TEKT3: variants seen among roughly 807,000 people sequenced by gnomAD.
The protein encoded by TEKT3 is tektin 3, also known as tektin-3.
Under a neutral mutation model 49.8 loss-of-function variants are expected in TEKT3, and 49 were observed. The observed-to-expected ratio is 0.98, with a 90% CI of 0.78 to 1.25. The LOEUF (loss-of-function observed/expected upper bound fraction) is 1.25. TEKT3 is among the 50% of genes most tolerant of loss of function. The pLI is 0.00. For missense variants in TEKT3, 595 were observed against 629.5 expected, an observed-to-expected ratio of 0.95 and a Z score of 0.59; for synonymous variants, 225 against 237.2, an observed-to-expected ratio of 0.95 and a Z score of 0.47.
At chr17:15,319,247 T>A (rs1412975622) in intron 4 of TEKT3, 100 bp from the exon 5 acceptor site, 4 of 1,002,872 alleles carry the variant, frequency 4.0e-6, no homozygotes, top group Non-Finnish European at 5.8e-6. Flanking sequence ...ATTTTGTTTC[T>A]TAAAATACTG....
chr17:15,314,145 G>A lies in TEKT3; in HGVS notation c.820C>T (p.Leu274=). 1 of 1,614,234 alleles carries A rather than the reference G, an allele frequency of 6.2e-7. No homozygotes were observed. The highest frequency in any genetic ancestry group is 8.5e-7 in the Non-Finnish European group (1 of 1,180,044). ...AYRIDDKCHH[L]RNTSDGVGYF... ...CCGACACCGTCTGATGTGTTGCGCA[G>A]GTGGTGGCATTTGTCGTCGATCCGG... The change falls in exon 6 of 9, where the codon CTG becomes TTG. Residue 274 remains leucine (L), a synonymous_variant. Coordinates refer to ENST00000395930, the MANE Select transcript of TEKT3 (RefSeq NM_031898.3).
At chr17:15,330,078 G>A (rs78025447) in intron 3 of TEKT3, among the ~76,000 whole-genome samples, 31,433 of 151,952 alleles carry the variant, frequency 0.21, 3,367 homozygotes, top group Middle Eastern at 0.27. Flanking sequence ...TATGGCAACT[G>A]GCCAATCTCA....
At chr17:15,314,430 C>T (rs112937257) in intron 5 of TEKT3, among the ~76,000 whole-genome samples, 200 bp from the exon 6 acceptor site, 1,792 of 151,770 alleles carry the variant, frequency 0.012, 30 homozygotes, top group African/African-American at 0.035. Flanking sequence ...ACCCTAACTC[C>T]CACCTTGTCT....
chr17:15,321,875 G>A (rs1911280128), intron 4 of TEKT3, among the ~76,000 whole-genome samples: 1 of 152,204 alleles, frequency 6.6e-6, no homozygotes, highest in Non-Finnish European at 1.5e-5. Context: ...CGGCTGAAAT[G>A]TTCATGAAGC....
Position 15,331,348 on chromosome 17 carries a change from T to C in TEKT3, c.238A>G (p.Met80Val), listed in dbSNP as rs759726629. ...GTTCTGTTGGAAACAAAGGGAAGCA[T>C]GGTATTCTCGGACACCCTCTGTGAT... is the stretch of plus-strand genomic sequence containing the variant. ...TRSQRVSENT[M>V]LPFVSNRTTF... Residue 80 changes from methionine (M) to valine (V), a missense_variant, in exon 3 of 9, where the codon ATG (methionine) becomes GTG (valine). Coordinates refer to ENST00000395930, the MANE Select transcript of TEKT3 (RefSeq NM_031898.3). The C allele has an allele frequency of 1.2e-5, 20 of 1,614,054 alleles. No individual in the cohort carries two copies. In the East Asian group the frequency reaches 4.2e-4, roughly 34 times the overall value.
intron 3 of TEKT3, among the ~76,000 whole-genome samples, chr17:15,330,392 G>T (rs1911672940): frequency 6.6e-6 from 1 of 152,238 alleles, no homozygotes; most frequent in East Asian, 1.9e-4. Context: ...ATTGGATCGT[G>T]GGGGTAGATC....
At chr17:15,320,030 C>A (rs1175523074) in intron 4 of TEKT3, among the ~76,000 whole-genome samples, 3 of 152,116 alleles carry the variant, frequency 2.0e-5, no homozygotes, top group African/African-American at 7.2e-5. Context: ...GAAGAGTATG[C>A]CTTTTTCCAA....
intron 4 of TEKT3, among the ~76,000 whole-genome samples, chr17:15,327,306 G>T (rs1911532010): frequency 6.6e-6 from 1 of 151,846 alleles, no homozygotes; most frequent in South Asian, 2.1e-4. Flanking sequence ...TCATGAGGTT[G>T]GGAGTTCAAG....
At chr17:15,342,790 G>C (rs1016206999), upstream of TEKT3, among the ~76,000 whole-genome samples, 7 of 152,130 alleles carry the variant, frequency 4.6e-5, no homozygotes. Flanking sequence ...AGTGCTCAGA[G>C]GCTACTCATT....
chr17:15,331,627 A>G lies in TEKT3; in HGVS notation c.-29-13T>C, dbSNP rs1193623578. 8 of 1,542,412 alleles carry G rather than the reference A, an allele frequency of 5.2e-6. No individual in the cohort carries two copies. The highest frequency in any genetic ancestry group is 7.0e-6 in the Non-Finnish European group (8 of 1,141,742). On this transcript the variant is annotated splice_polypyrimidine_tract_variant and intron_variant, in intron 2 of 8. Coordinates refer to ENST00000395930, the MANE Select transcript of TEKT3 (RefSeq NM_031898.3). ...TTGTAAATCTCTCCTGTTAAAAAAT[A>G]AAAAGTAAAATAAGACAGTCACATA...
At chr17:15,338,416 TA>T (rs1421687737) in intron 2 of TEKT3, 1 of 152,100 alleles carries the variant, frequency 6.6e-6, no homozygotes, top group Non-Finnish European at 1.5e-5. Context: ...AAGGAAGAAA[TA>T]CCTCAGTTTT....
chr17:15,334,958 C>T (rs1054459888), intron 2 of TEKT3, among the ~76,000 whole-genome samples: 5 of 152,196 alleles, frequency 3.3e-5, no homozygotes, highest in African/African-American at 1.2e-4. Flanking sequence ...AAAAACCAGA[C>T]TTAGCCTCTT....
intron 2 of TEKT3, among the ~76,000 whole-genome samples, chr17:15,335,162 T>A (rs1213392201): frequency 2.0e-5 from 3 of 152,156 alleles, no homozygotes; most frequent in East Asian, 3.8e-4. Context: ...GCAGCTTTTG[T>A]GAGTTGAGAA....
rs572205318 is a variant in TEKT3 at position 15,327,140 on chromosome 17, TAA to T, written c.663+850_663+851del. On this transcript the variant is annotated intron_variant, in intron 4 of 8. Coordinates refer to ENST00000395930, the MANE Select transcript of TEKT3 (RefSeq NM_031898.3). ...GGGATAGGGAAGCAACCTAACTATA[TAA>T]GAGATGATTGATTGAAAAAAAAAAA... is the stretch of plus-strand genomic sequence containing the variant. Among the ~76,000 whole-genome samples, 212 of 148,010 alleles carry T rather than the reference TAA, an allele frequency of 1.4e-3. 1 individual carries two copies. Among genetic ancestry groups the T allele is most frequent in the African/African-American group, 5.1e-3 (203 of 39,768 alleles).
chr17:15,339,409 A>T (rs796208688), intron 2 of TEKT3, among the ~76,000 whole-genome samples: 8 of 152,332 alleles, frequency 5.3e-5, no homozygotes, highest in African/African-American at 1.9e-4. Context: ...TACAAAGTCA[A>T]ATACAATGTT....
chr17:15,327,389 G>A (rs1428252779), intron 4 of TEKT3, among the ~76,000 whole-genome samples: 1 of 152,040 alleles, frequency 6.6e-6, no homozygotes, highest in Non-Finnish European at 1.5e-5. Flanking sequence ...GGTGGCAGGT[G>A]CCTGTAATCC....
intron 1 of TEKT3, among the ~76,000 whole-genome samples, chr17:15,341,252 G>C (rs1330894462): frequency 6.6e-6 from 1 of 152,174 alleles, no homozygotes; most frequent in Non-Finnish European, 1.5e-5. Context: ...AGTGTCGGGG[G>C]TTCGGATGCC....
intron 5 of TEKT3, among the ~76,000 whole-genome samples, chr17:15,317,546 C>G (rs929159296): frequency 3.9e-5 from 6 of 152,178 alleles, no homozygotes; most frequent in African/African-American, 1.4e-4. Flanking sequence ...GCGTACAAAC[C>G]TCTCCAACCT....
At chr17:15,316,585 A>G (rs1911021923) in intron 5 of TEKT3, among the ~76,000 whole-genome samples, 1 of 152,204 alleles carries the variant, frequency 6.6e-6, no homozygotes, top group African/African-American at 2.4e-5. Flanking sequence ...TCAATGAAGC[A>G]AAATTGCACT....
Sources: allele counts gnomAD v4.1 joint callset (sites outside exome capture counted in the v4.1 genomes callset), GRCh38; gene constraint gnomAD v4.1.1; transcripts MANE v1.5; gene names NCBI Gene and HGNC (gene_info 2026-07-23, HGNC 2026-07-21).